Variants in BACH2 observed in about 807,000 individuals in gnomAD.
BACH2 encodes transcription regulator protein BACH2.
In BACH2, 5 loss-of-function variants were observed where a neutral mutation model predicts 61.8. The ratio of observed to expected loss-of-function variants is 0.08; its 90% confidence interval spans 0.04 to 0.17. BACH2 has a LOEUF of 0.17. Among genes scored for constraint, BACH2 ranks in the 10% least tolerant of loss-of-function variants. The pLI, the probability that BACH2 is intolerant of heterozygous loss-of-function variation, is 1.00. For missense variants in BACH2, 824 were observed against 1,091.1 expected, an observed-to-expected ratio of 0.76 and a Z score of 3.45; for synonymous variants, 446 against 440.1, an observed-to-expected ratio of 1.01 and a Z score of -0.17.
At chr6:90,103,713 C>T (rs895527053) in intron 4 of BACH2, among the ~76,000 whole-genome samples, 2 of 152,006 alleles carry the variant, frequency 1.3e-5, no homozygotes, top group Non-Finnish European at 1.5e-5. Context: ...AACATGTTTA[C>T]GTTTGGGGGA....
At chr6:90,060,173 A>C (rs530178378) in intron 5 of BACH2, among the ~76,000 whole-genome samples, 22 of 151,956 alleles carry the variant, frequency 1.4e-4, no homozygotes, top group African/African-American at 4.8e-4. Flanking sequence ...AAAACACAAA[A>C]GATAAAACTC....
chr6:90,186,058 A>G (rs1337704945), intron 4 of BACH2, among the ~76,000 whole-genome samples: 1 of 152,180 alleles, frequency 6.6e-6, no homozygotes, highest in Non-Finnish European at 1.5e-5. Context: ...GAAGAGACCG[A>G]TCCTCTACCA....
At chr6:90,239,333 A>G (rs576394694) in intron 3 of BACH2, among the ~76,000 whole-genome samples, 6 of 152,312 alleles carry the variant, frequency 3.9e-5, no homozygotes, top group African/African-American at 1.2e-4. Context: ...TTCAGCAACA[A>G]TCTTGACTTC....
chr6:90,192,559 C>T (rs937322103), intron 4 of BACH2, among the ~76,000 whole-genome samples: 17 of 152,142 alleles, frequency 1.1e-4, no homozygotes, highest in African/African-American at 4.1e-4. Flanking sequence ...GTCTTCTGCA[C>T]TCACAATATC....
chr6:90,073,342 A>G (rs1781326812), intron 5 of BACH2, among the ~76,000 whole-genome samples: 1 of 152,230 alleles, frequency 6.6e-6, no homozygotes, highest in South Asian at 2.1e-4. Flanking sequence ...GTACATGCAT[A>G]ATTAAAGATG....
At chr6:89,957,414 C>T (rs543470619) in intron 6 of BACH2, among the ~76,000 whole-genome samples, 1 of 152,324 alleles carries the variant, frequency 6.6e-6, no homozygotes, top group East Asian at 1.9e-4. Flanking sequence ...TCTATTTTTA[C>T]AGACAGGGTC....
chr6:90,244,899 A>G (rs1770582342), intron 3 of BACH2, among the ~76,000 whole-genome samples: 1 of 152,238 alleles, frequency 6.6e-6, no homozygotes. Context: ...ATTATGCTTT[A>G]AAAATAGGCT....
At chr6:90,272,301 C>T (rs758092403) in intron 1 of BACH2, among the ~76,000 whole-genome samples, 4 of 151,724 alleles carry the variant, frequency 2.6e-5, no homozygotes, top group African/African-American at 7.3e-5. Flanking sequence ...TCTCCTGCTT[C>T]GCCTGTTTCT....
chr6:89,971,518 C>T (rs1775357165), intron 6 of BACH2, among the ~76,000 whole-genome samples: 1 of 152,128 alleles, frequency 6.6e-6, no homozygotes, highest in Non-Finnish European at 1.5e-5. Flanking sequence ...CAGGTAATCA[C>T]AACACAGCCA....
At chr6:90,294,389 T>C (rs1414298835) in intron 1 of BACH2, among the ~76,000 whole-genome samples, 1 of 152,200 alleles carries the variant, frequency 6.6e-6, no homozygotes. Flanking sequence ...ATTTCAATGA[T>C]ATTCAGGTTT....
At chr6:90,031,090 C>T (rs1778954433) in intron 5 of BACH2, among the ~76,000 whole-genome samples, 1 of 151,642 alleles carries the variant, frequency 6.6e-6, no homozygotes, top group African/African-American at 2.4e-5. Context: ...ATAAACAGAA[C>T]CAATGACAAA....
intron 4 of BACH2, among the ~76,000 whole-genome samples, chr6:90,135,470 G>A (rs925472156): frequency 7.2e-5 from 11 of 152,176 alleles, no homozygotes; most frequent in African/African-American, 2.7e-4. Flanking sequence ...GCTCGCACCT[G>A]TAATCCCGGC....
intron 4 of BACH2, among the ~76,000 whole-genome samples, chr6:90,100,706 C>CACATACACACACACACACAG (rs1782580429): frequency 7.0e-6 from 1 of 143,172 alleles, no homozygotes; most frequent in Non-Finnish European, 1.5e-5. Context: ...CACACAGACA[C>CACATACACACACACACACAG]ACACACACAC....
rs560749011 is a variant in BACH2 at position 90,113,935 on chromosome 6, CCTGGACA to C, written c.-161-24833_-161-24827del. On this transcript the variant is annotated intron_variant, in intron 4 of 8. Coordinates refer to ENST00000257749, the MANE Select transcript of BACH2 (RefSeq NM_021813.4). ...AAAACCTAGACAAGATGGATAAATT[CCTGGACA>C]CATACACCCTCCTAAGACTGAGTCA... Among the ~76,000 whole-genome samples the C allele has an allele frequency of 7.9e-3, 1,206 of 152,200 alleles. 9 individuals carry two copies. Among genetic ancestry groups the C allele is most frequent in the Non-Finnish European group, 0.013 (868 of 68,004 alleles).
Position 90,051,883 on chromosome 6 carries a change from A to G in BACH2, c.-13+37078T>C, listed in dbSNP as rs535366739. On this transcript the variant is annotated intron_variant, in intron 5 of 8. Transcript: ENST00000257749. Reference sequence around the variant, plus strand: ...TTTACTGTATCCCACAAGTTGATATATCATATTTTCATTATCATTCAATTC... The same window carrying G: ...TTTACTGTATCCCACAAGTTGATATGTCATATTTTCATTATCATTCAATTC... Among the ~76,000 whole-genome samples the G allele has an allele frequency of 1.7e-3, 257 of 152,338 alleles. 1 individual carries two copies. The highest frequency in any genetic ancestry group is 6.1e-3 in the African/African-American group (252 of 41,582).
At position 90,031,322 on chromosome 6, in the gene BACH2, C is replaced by T. The variant is rs557011295; in HGVS notation, c.-12-22466G>A. Among the ~76,000 whole-genome samples, 106 of 152,280 alleles carry T rather than the reference C, an allele frequency of 7.0e-4. 4 individuals carry two copies. In the South Asian group the frequency reaches 0.02, roughly 29 times the overall value. On this transcript the variant is annotated intron_variant, in intron 5 of 8. Coordinates refer to ENST00000257749, the MANE Select transcript of BACH2 (RefSeq NM_021813.4). ...ACAGGGATGCCCTCTCTCACCACTC[C>T]TATTCAACATAGTGTTGGAAGTTCT...
At chr6:90,185,258 C>T (rs1285585746) in intron 4 of BACH2, among the ~76,000 whole-genome samples, 1 of 152,112 alleles carries the variant, frequency 6.6e-6, no homozygotes, top group Admixed American at 6.5e-5. Flanking sequence ...GGCTGGTGAA[C>T]AGTTGGAATG....
At chr6:90,157,161 G>C (rs918860586) in intron 4 of BACH2, among the ~76,000 whole-genome samples, 1 of 152,252 alleles carries the variant, frequency 6.6e-6, no homozygotes, top group Non-Finnish European at 1.5e-5. Flanking sequence ...AAGGGCAAGA[G>C]GTGAAGAAGA....
intron 1 of BACH2, among the ~76,000 whole-genome samples, chr6:90,295,877 G>A (rs1772347069): frequency 1.3e-5 from 2 of 152,270 alleles, no homozygotes; most frequent in South Asian, 2.1e-4. Flanking sequence ...CTTGGGCTTT[G>A]ATTCCCCGCC....
Sources: gnomAD v4.1 joint callset for allele counts (sites outside exome capture counted in the v4.1 genomes callset) on GRCh38, gnomAD v4.1.1 for gene constraint, MANE v1.5 for transcripts, NCBI Gene and HGNC (gene_info 2026-07-23, HGNC 2026-07-21) for gene names.